DGKB: variants seen among roughly 807,000 people sequenced by gnomAD.
DGKB encodes 90 kDa diacylglycerol kinase.
DGKB carries 67 observed loss-of-function variants against 114.3 expected under a neutral mutation model. The ratio of observed to expected loss-of-function variants is 0.59; its 90% CI spans 0.48 to 0.72. The LOEUF (loss-of-function observed/expected upper bound fraction) is 0.72. Ranked by LOEUF, DGKB falls within the 30% of genes least tolerant of loss-of-function variation. DGKB has a pLI of 0.00. For missense variants in DGKB, 907 were observed against 975.2 expected (o/e 0.93, Z 0.93); for synonymous variants, 398 against 323.1 (o/e 1.23, Z -2.49).
intron 1 of DGKB, among the ~76,000 whole-genome samples, chr7:14,953,721 T>C (rs1786338322): frequency 6.6e-6 from 1 of 152,114 alleles, no homozygotes; most frequent in African/African-American, 2.4e-5. Flanking sequence ...TGAGAACATA[T>C]GCTCATGCAT....
chr7:14,692,304 C>T (rs1407695954), intron 9 of DGKB, among the ~76,000 whole-genome samples: 12 of 152,012 alleles, frequency 7.9e-5, no homozygotes, highest in African/African-American at 2.9e-4. Flanking sequence ...CTGCATCTTC[C>T]CTCCTTCTCT....
At chr7:14,967,702 T>A (rs1320835099) in intron 1 of DGKB, among the ~76,000 whole-genome samples, 1 of 151,760 alleles carries the variant, frequency 6.6e-6, no homozygotes. Flanking sequence ...AACAAAACTT[T>A]ATTTTTTTTG....
At chr7:14,249,134 G>A (rs1191138573) in intron 23 of DGKB, among the ~76,000 whole-genome samples, 1 of 152,014 alleles carries the variant, frequency 6.6e-6, no homozygotes. Context: ...CTGGAAATGT[G>A]GTATATCACA....
Position 14,757,728 on chromosome 7 carries a change from G to C in DGKB, c.74C>G (p.Ser25Cys). The C allele has an allele frequency of 6.3e-7, 1 of 1,591,044 alleles. No individual in the cohort carries two copies. Among genetic ancestry groups the C allele is most frequent in the African/African-American group, 1.3e-5 (1 of 74,334 alleles). Reference protein sequence around the residue: ...FSQLQKYAEYSTKKLKDVLEE... With the variant: ...FSQLQKYAEYCTKKLKDVLEE... ...AAGAACATCCTTTAATTTCTTTGTA[G>C]AATCTATAAAAAACAGAAAACACAA... is the stretch of plus-strand genomic sequence containing the variant. Residue 25 changes from serine (S) to cysteine (C), a missense_variant, in exon 3 of 26, where the codon TCT becomes TGT. Ser to Cys is a moderately radical substitution (Grantham distance 112, BLOSUM62 -1). Coordinates refer to ENST00000402815, the MANE Select transcript of DGKB (RefSeq NM_001350709.2).
chr7:14,886,874 T>G (rs1320674089), intron 1 of DGKB, among the ~76,000 whole-genome samples: 1 of 151,942 alleles, frequency 6.6e-6, no homozygotes, highest in Non-Finnish European at 1.5e-5. Context: ...GCCATCTGAC[T>G]CCTGCTTAAT....
At chr7:14,622,754 CT>C (rs199949397) in intron 14 of DGKB, among the ~76,000 whole-genome samples, 1 of 151,876 alleles carries the variant, frequency 6.6e-6, no homozygotes, top group African/African-American at 2.4e-5. Context: ...AAACTCATCC[CT>C]TTTTTTTACC....
intron 12 of DGKB, among the ~76,000 whole-genome samples, chr7:14,677,147 A>G (rs543324107): frequency 3.3e-5 from 5 of 152,082 alleles, no homozygotes; most frequent in African/African-American, 1.2e-4. Context: ...AAAGAAAAAG[A>G]AAGTGTGTGG....
intron 23 of DGKB, among the ~76,000 whole-genome samples, chr7:14,245,635 A>C (rs1794362073): frequency 6.6e-6 from 1 of 152,154 alleles, no homozygotes. Flanking sequence ...TCCTCCATTT[A>C]ACATGATTTC....
At chr7:14,476,877 C>G (rs995583413) in intron 21 of DGKB, among the ~76,000 whole-genome samples, 4 of 151,514 alleles carry the variant, frequency 2.6e-5, no homozygotes, top group African/African-American at 4.9e-5. Context: ...GCCTCAGCCT[C>G]TTGAGTAGCT....
chr7:14,526,913 T>G (rs1272100937), intron 20 of DGKB, among the ~76,000 whole-genome samples: 1 of 152,140 alleles, frequency 6.6e-6, no homozygotes, highest in Non-Finnish European at 1.5e-5. Context: ...TAAATCTGGT[T>G]GTGTGAAGAT....
intron 1 of DGKB, among the ~76,000 whole-genome samples, chr7:14,966,928 C>T (rs902876755): frequency 6.6e-6 from 1 of 152,002 alleles, no homozygotes; most frequent in Non-Finnish European, 1.5e-5. Flanking sequence ...ATCTAAAGCT[C>T]TTTCAAATTT....
rs540722564 is a variant in DGKB, at chr7:14,339,987, C to T, written c.1927-1277G>A. ...AAAAAGCCCTCTCTTTTTCCACATTCGCCTCATCATACTGAAGCTAGGATT... is the reference window on the plus strand; with the variant it reads ...AAAAAGCCCTCTCTTTTTCCACATTTGCCTCATCATACTGAAGCTAGGATT... On this transcript the variant is annotated intron_variant, in intron 22 of 25. Transcript: ENST00000402815. Among the ~76,000 whole-genome samples, 23 of 151,800 alleles carry T rather than the reference C, an allele frequency of 1.5e-4. 1 individual carries two copies. Among genetic ancestry groups the T allele is most frequent in the African/African-American group, 5.3e-4 (22 of 41,458 alleles).
chr7:14,250,348 G>A (rs1584727969), intron 23 of DGKB, among the ~76,000 whole-genome samples: 1 of 151,758 alleles, frequency 6.6e-6, no homozygotes, highest in East Asian at 1.9e-4. Context: ...AGTAGGTTTT[G>A]TTTCCATTTT....
chr7:14,493,040 T>G (rs531381867), intron 20 of DGKB, among the ~76,000 whole-genome samples: 1 of 152,222 alleles, frequency 6.6e-6, no homozygotes, highest in Non-Finnish European at 1.5e-5. Flanking sequence ...TGCCTAGTGT[T>G]AGTATTTCTG....
chr7:14,620,662 G>A (rs925266534), intron 15 of DGKB, among the ~76,000 whole-genome samples: 6 of 151,678 alleles, frequency 4.0e-5, no homozygotes, highest in Non-Finnish European at 3.0e-5. Flanking sequence ...TTAAGCCAAC[G>A]TTATTGACCA....
At chr7:14,567,600 T>TAC (rs1237887540) in intron 20 of DGKB, among the ~76,000 whole-genome samples, 1 of 118,444 alleles carries the variant, frequency 8.4e-6, no homozygotes, top group Non-Finnish European at 1.7e-5. Flanking sequence ...TAAAGATATA[T>TAC]ATATATATAT....
chr7:14,860,624 G>A (rs555351216), intron 1 of DGKB, among the ~76,000 whole-genome samples: 64 of 151,892 alleles, frequency 4.2e-4, no homozygotes, highest in African/African-American at 1.4e-3. Context: ...TTCAGTGGCC[G>A]AACATTTATC....
Position 14,147,599 on chromosome 7 carries a change from CA to C in DGKB, c.*1531del, listed in dbSNP as rs1374609050. On this transcript the variant is annotated 3_prime_UTR_variant, in exon 26 of 26. Coordinates refer to ENST00000402815, the MANE Select transcript of DGKB (RefSeq NM_001350709.2). ...GTTATTCAAAGAAAGATGAATGAAT[CA>C]ATAACAAAATAGAACCGATAAATCA... 3.3e-5 allele frequency: 5 copies of C among 152,212 alleles called. No individual in the cohort carries two copies. Among genetic ancestry groups the C allele is most frequent in the African/African-American group, 1.2e-4 (5 of 41,420 alleles). 9.4% of individuals were successfully genotyped at this position (152,212 alleles called of 1,614,324 possible). A position where few individuals can be genotyped will look rare whatever the true frequency, so the allele number is the denominator to read the frequency against.
intron 20 of DGKB, among the ~76,000 whole-genome samples, chr7:14,573,471 G>C (rs1033104960): frequency 2.8e-4 from 20 of 71,250 alleles, no homozygotes; most frequent in South Asian, 6.8e-4. Flanking sequence ...CTATCTCTGT[G>C]TGTGTGTGTG....
Sources: gnomAD v4.1 joint callset for allele counts (sites outside exome capture counted in the v4.1 genomes callset) on GRCh38, gnomAD v4.1.1 for gene constraint, MANE v1.5 for transcripts, NCBI Gene and HGNC (gene_info 2026-07-23, HGNC 2026-07-21) for gene names.